SPAG16: variants seen among roughly 807,000 people sequenced by gnomAD.
SPAG16 encodes the protein sperm associated antigen 16, also known as sperm-associated antigen 16 protein.
A neutral mutation model predicts 80.4 loss-of-function variants in SPAG16; 86 were observed. The ratio of observed to expected loss-of-function variants is 1.07; its 90% CI spans 0.90 to 1.28. The LOEUF is 1.28. SPAG16 is among the 50% of genes most tolerant of loss of function. The probability of loss-of-function intolerance (pLI) is 0.00; values close to 1 mark genes in which losing one functional copy is unlikely to be tolerated. For synonymous variants in SPAG16, 294 were observed against 265.9 expected (o/e 1.11, Z -1.03); for missense variants, 870 against 765.3 (o/e 1.14, Z -1.61).
At chr2:214,170,249 TATACATATACACACACACTTAGGTGTGC>T (rs71399119) in intron 15 of SPAG16, among the ~76,000 whole-genome samples, 1 of 121,578 alleles carries the variant, frequency 8.2e-6, no homozygotes, top group East Asian at 2.0e-4. Context: ...CTTAGGTGTG[TATACATATACACACACACTTAGGTGTGC>T]GTACATATAC....
chr2:213,577,344 G>C (rs1163140515), intron 10 of SPAG16, among the ~76,000 whole-genome samples: 1 of 152,092 alleles, frequency 6.6e-6, no homozygotes, highest in African/African-American at 2.4e-5. Context: ...ATTGGACCTT[G>C]TTTGGCAGAT....
intron 10 of SPAG16, among the ~76,000 whole-genome samples, chr2:213,566,037 A>G (rs960105034): frequency 5.9e-5 from 9 of 152,222 alleles, no homozygotes; most frequent in Non-Finnish European, 1.5e-5. Flanking sequence ...ACTAGAGGTC[A>G]TGGTGACTGG....
At chr2:213,397,737 C>A (rs892149537) in intron 9 of SPAG16, among the ~76,000 whole-genome samples, 1 of 152,074 alleles carries the variant, frequency 6.6e-6, no homozygotes, top group African/African-American at 2.4e-5. Flanking sequence ...TTGCTCCCTA[C>A]CCCCCGAATC....
intron 12 of SPAG16, among the ~76,000 whole-genome samples, chr2:213,986,935 A>G (rs1024003900): frequency 2.7e-5 from 4 of 148,642 alleles, no homozygotes; most frequent in African/African-American, 9.8e-5. Context: ...AAACTATCAT[A>G]TGTGTTTTTA....
At chr2:213,716,043 A>C (rs896795264) in intron 10 of SPAG16, among the ~76,000 whole-genome samples, 1 of 152,122 alleles carries the variant, frequency 6.6e-6, no homozygotes, top group Non-Finnish European at 1.5e-5. Flanking sequence ...CAAAGATTTC[A>C]TGGGAATTTT....
At position 213,384,589 on chromosome 2, in the gene SPAG16, T is replaced by C. The variant is rs574503794; in HGVS notation, c.942+9470T>C. On this transcript the variant is annotated intron_variant, in intron 9 of 15. Coordinates refer to ENST00000331683, the MANE Select transcript of SPAG16 (RefSeq NM_024532.5). ...TCTTTTTCTGTAGTGTATTGTTACC[T>C]AAGCCTCTGGGGAAGGAATGGAGGA... 6.6e-5 allele frequency among the ~76,000 whole-genome samples: 10 copies of C among 152,272 alleles called. No homozygotes were observed. The South Asian group carries it at 2.1e-3, about 32-fold the overall frequency.
intron 15 of SPAG16, among the ~76,000 whole-genome samples, chr2:214,211,501 T>C (rs1407500133): frequency 1.3e-5 from 2 of 152,198 alleles, no homozygotes; most frequent in Non-Finnish European, 2.9e-5. Context: ...TCTATGGGCC[T>C]ATTTCCCAGG....
At chr2:214,133,475 G>A (rs532943869) in intron 14 of SPAG16, among the ~76,000 whole-genome samples, 2 of 152,072 alleles carry the variant, frequency 1.3e-5, no homozygotes, top group East Asian at 2.0e-4. Context: ...CCTGGCCAAC[G>A]TGACGAAAAT....
intron 13 of SPAG16, among the ~76,000 whole-genome samples, chr2:214,027,211 A>C (rs1032277602): frequency 6.6e-6 from 1 of 151,412 alleles, no homozygotes; most frequent in Admixed American, 6.6e-5. Flanking sequence ...GTACATTCAA[A>C]CCCTTCTATT....
At chr2:214,092,574 A>G (rs2052291956) in intron 13 of SPAG16, among the ~76,000 whole-genome samples, 2 of 151,684 alleles carry the variant, frequency 1.3e-5, no homozygotes, top group Admixed American at 1.3e-4. Flanking sequence ...TTAACAAATC[A>G]AATTTTTTCC....
At chr2:213,407,749 C>CAG (rs987694776) in intron 9 of SPAG16, among the ~76,000 whole-genome samples, 3 of 116,912 alleles carry the variant, frequency 2.6e-5, no homozygotes, top group Non-Finnish European at 5.3e-5. Context: ...AGGAGAGAGG[C>CAG]AGAGAGAGAC....
At chr2:214,271,160 T>C (rs1691967277) in intron 15 of SPAG16, among the ~76,000 whole-genome samples, 1 of 152,208 alleles carries the variant, frequency 6.6e-6, no homozygotes, top group Non-Finnish European at 1.5e-5. Flanking sequence ...CTAGTTAGTA[T>C]ACATGTTGTA....
intron 15 of SPAG16, among the ~76,000 whole-genome samples, chr2:214,390,345 A>ATTTTT (rs1356162985): frequency 9.8e-4 from 103 of 104,926 alleles, no homozygotes; most frequent in African/African-American, 1.9e-3. Flanking sequence ...TTTTTTTAAA[A>ATTTTT]AAAAAAAAAA....
At chr2:213,817,595 A>G (rs1241274002) in intron 10 of SPAG16, among the ~76,000 whole-genome samples, 2 of 152,166 alleles carry the variant, frequency 1.3e-5, no homozygotes, top group Non-Finnish European at 2.9e-5. Context: ...GTGCCCATCA[A>G]CAGTGGATTG....
At chr2:214,012,288 A>ATATATTTTTTTTTTTTTT (rs1553694500) in intron 12 of SPAG16, among the ~76,000 whole-genome samples, 2 of 46,806 alleles carry the variant, frequency 4.3e-5, no homozygotes, top group African/African-American at 1.2e-4. Flanking sequence ...ATATATATAT[A>ATATATTTTTTTTTTTTTT]TTTTTTTTTT....
At chr2:213,732,041 GT>G (rs2067069558) in intron 10 of SPAG16, among the ~76,000 whole-genome samples, 1 of 152,082 alleles carries the variant, frequency 6.6e-6, no homozygotes, top group African/African-American at 2.4e-5. Flanking sequence ...GGTTTATATA[GT>G]TTTTGGTTTT....
intron 15 of SPAG16, among the ~76,000 whole-genome samples, chr2:214,230,934 G>A (rs1412751146): frequency 2.0e-5 from 3 of 151,984 alleles, no homozygotes; most frequent in African/African-American, 7.2e-5. Context: ...TCTCAAAGCT[G>A]TTGGGGAAGA....
At chr2:213,671,162 AATATG>A (rs2125221064) in intron 10 of SPAG16, among the ~76,000 whole-genome samples, 1 of 152,332 alleles carries the variant, frequency 6.6e-6, no homozygotes, top group South Asian at 2.1e-4. Flanking sequence ...ATACTAGAAA[AATATG>A]ATATATTAAA....
At chr2:214,056,910 A>T (rs1235010101) in intron 13 of SPAG16, among the ~76,000 whole-genome samples, 1 of 152,146 alleles carries the variant, frequency 6.6e-6, no homozygotes, top group Admixed American at 6.6e-5. Flanking sequence ...ATCTCCAGAG[A>T]CCACTTTCTT....
Sources: allele counts gnomAD v4.1 joint callset (sites outside exome capture counted in the v4.1 genomes callset), GRCh38; gene constraint gnomAD v4.1.1; transcripts MANE v1.5; gene names NCBI Gene and HGNC (gene_info 2026-07-23, HGNC 2026-07-21).